SLC35F4: variants seen among roughly 807,000 people sequenced by gnomAD.
SLC35F4 encodes the protein solute carrier family 35 member F4.
A neutral mutation model predicts 44.2 loss-of-function variants in SLC35F4; 24 were observed. The observed-to-expected ratio is 0.54, with a 90% CI of 0.39 to 0.76. The LOEUF (loss-of-function observed/expected upper bound fraction) is 0.76. SLC35F4 is among the 30% of genes least tolerant of loss of function. The pLI, the probability that SLC35F4 is intolerant of heterozygous loss-of-function variation, is 0.00. For missense variants in SLC35F4, 562 were observed against 586.1 expected, an observed-to-expected ratio of 0.96 and a Z score of 0.42; for synonymous variants, 238 against 223.6, an observed-to-expected ratio of 1.06 and a Z score of -0.57.
At chr14:57,883,179 A>AC (rs937087367) in intron 1 of SLC35F4, among the ~76,000 whole-genome samples, 3 of 152,040 alleles carry the variant, frequency 2.0e-5, no homozygotes, top group Non-Finnish European at 4.4e-5. Flanking sequence ...GATGAGGCCA[A>AC]CCCCCCATGT....
intron 1 of SLC35F4, among the ~76,000 whole-genome samples, chr14:57,657,909 T>G (rs1376649478): frequency 6.6e-6 from 1 of 152,222 alleles, no homozygotes; most frequent in African/African-American, 2.4e-5. Context: ...GTTGGTAAGT[T>G]ACTGTGTCAC....
chr14:57,963,712 CTTTTTTTTTTTTTT>C (rs68101912), intron 1 of SLC35F4, among the ~76,000 whole-genome samples: 1 of 31,254 alleles, frequency 3.2e-5, no homozygotes, highest in East Asian at 1.5e-3. Context: ...ATTCTAGCTC[CTTTTTTTTTTTTTT>C]TTTTTTTTTT....
intron 1 of SLC35F4, among the ~76,000 whole-genome samples, chr14:57,922,658 G>T (rs74054803): frequency 0.041 from 6,229 of 152,276 alleles, 354 homozygotes; most frequent in African/African-American, 0.12. Context: ...ACAGTGAAAT[G>T]TAAAGTCAGA....
At chr14:57,849,751 T>C (rs1436052945) in intron 1 of SLC35F4, among the ~76,000 whole-genome samples, 1 of 152,198 alleles carries the variant, frequency 6.6e-6, no homozygotes, top group Admixed American at 6.5e-5. Context: ...AGAACCTGTG[T>C]ACTTCATTAC....
At chr14:57,978,967 T>C (rs1409945683) in intron 1 of SLC35F4, among the ~76,000 whole-genome samples, 4 of 152,158 alleles carry the variant, frequency 2.6e-5, no homozygotes, top group African/African-American at 9.7e-5. Flanking sequence ...AATGGGAGCA[T>C]GAAGGAGTAT....
intron 1 of SLC35F4, among the ~76,000 whole-genome samples, chr14:57,800,667 A>G (rs1190356452): frequency 6.6e-6 from 1 of 152,202 alleles, no homozygotes; most frequent in Non-Finnish European, 1.5e-5. Flanking sequence ...TTAGAGAGCA[A>G]CATAACCAAA....
chr14:57,662,705 G>A (rs1356402529), intron 1 of SLC35F4, among the ~76,000 whole-genome samples: 1 of 152,162 alleles, frequency 6.6e-6, no homozygotes, highest in Non-Finnish European at 1.5e-5. Context: ...TTCTGTTATA[G>A]CAATAGAAAA....
intron 1 of SLC35F4, among the ~76,000 whole-genome samples, chr14:57,720,374 C>T (rs2076053397): frequency 6.6e-6 from 1 of 152,048 alleles, no homozygotes; most frequent in Non-Finnish European, 1.5e-5. Context: ...TTCCTTCCTC[C>T]TCTATTTTTC....
At chr14:57,737,259 G>A (rs2076490023) in intron 1 of SLC35F4, among the ~76,000 whole-genome samples, 1 of 151,994 alleles carries the variant, frequency 6.6e-6, no homozygotes, top group African/African-American at 2.4e-5. Context: ...CTTCCAAATT[G>A]GTTCCAGTCA....
At chr14:57,910,277 T>G (rs577184729) in intron 1 of SLC35F4, among the ~76,000 whole-genome samples, 25 of 152,236 alleles carry the variant, frequency 1.6e-4, no homozygotes, top group Non-Finnish European at 3.2e-4. Context: ...ACATTGTATT[T>G]TGCAGAGAAG....
intron 1 of SLC35F4, among the ~76,000 whole-genome samples, chr14:57,803,403 G>A (rs1413249555): frequency 6.6e-6 from 1 of 152,082 alleles, no homozygotes; most frequent in Non-Finnish European, 1.5e-5. Flanking sequence ...ACAAGACAAG[G>A]ATGCCGTCTC....
intron 1 of SLC35F4, among the ~76,000 whole-genome samples, chr14:57,611,298 G>A (rs181608198): frequency 2.6e-4 from 39 of 152,260 alleles, no homozygotes; most frequent in Non-Finnish European, 4.0e-4. Flanking sequence ...TCCCTGCTAG[G>A]CAGCTAGATA....
chr14:57,631,546 A>G (rs2072774068), intron 1 of SLC35F4, among the ~76,000 whole-genome samples: 1 of 152,122 alleles, frequency 6.6e-6, no homozygotes, highest in Non-Finnish European at 1.5e-5. Context: ...CATTTGTATC[A>G]AAATTTGCCT....
Position 57,610,139 on chromosome 14 carries a change from A to T in SLC35F4, c.104-16015T>A, listed in dbSNP as rs368512864. 1.2e-4 allele frequency among the ~76,000 whole-genome samples: 19 copies of T among 152,350 alleles called. No individual in the cohort carries two copies. The East Asian group carries it at 2.7e-3, about 22-fold the overall frequency. On this transcript the variant is annotated intron_variant, in intron 1 of 7. Coordinates refer to ENST00000556826, the MANE Select transcript of SLC35F4 (RefSeq NM_001306087.2). ...TTATTGAGGAGTCTCTATGTTCCAG[A>T]CATTGAACTAGACCTTATGGACTAC...
chr14:57,783,241 T>C (rs151225326), intron 1 of SLC35F4, among the ~76,000 whole-genome samples: 141 of 150,872 alleles, frequency 9.3e-4, no homozygotes, highest in African/African-American at 3.4e-3. Flanking sequence ...GAGGATTTAA[T>C]GTCAGCAAAG....
At chr14:57,740,792 T>C (rs1303483996) in intron 1 of SLC35F4, among the ~76,000 whole-genome samples, 4 of 152,178 alleles carry the variant, frequency 2.6e-5, no homozygotes, top group African/African-American at 7.2e-5. Flanking sequence ...CCAATAAAAA[T>C]GCTTTTAAAA....
At chr14:57,905,862 T>C (rs1889095427) in intron 1 of SLC35F4, among the ~76,000 whole-genome samples, 1 of 151,546 alleles carries the variant, frequency 6.6e-6, no homozygotes, top group African/African-American at 2.4e-5. Context: ...ATGATGAAAA[T>C]GGAAGAACAG....
chr14:57,788,982 T>C (rs779000321), intron 1 of SLC35F4, among the ~76,000 whole-genome samples: 25 of 152,188 alleles, frequency 1.6e-4, no homozygotes, highest in Admixed American at 8.5e-4. Flanking sequence ...AGATAAAGTG[T>C]ACCAGAATCT....
intron 1 of SLC35F4, among the ~76,000 whole-genome samples, chr14:57,701,562 C>A (rs754848317): frequency 1.3e-5 from 2 of 152,112 alleles, no homozygotes; most frequent in Non-Finnish European, 2.9e-5. Context: ...AGCATCACCA[C>A]AAACACATGA....
Sources: gnomAD v4.1 joint callset for allele counts (sites outside exome capture counted in the v4.1 genomes callset) on GRCh38, gnomAD v4.1.1 for gene constraint, MANE v1.5 for transcripts, NCBI Gene and HGNC (gene_info 2026-07-23, HGNC 2026-07-21) for gene names.